Variants in STARD9 observed in about 807,000 individuals in gnomAD.
STARD9 encodes the protein stAR-related lipid transfer protein 9.
In STARD9, 346 loss-of-function variants were observed where a neutral mutation model predicts 399.8. That is an observed-to-expected ratio of 0.87 (90% CI 0.79 to 0.95). STARD9 has a LOEUF of 0.95. STARD9 is among the 40% of genes least tolerant of loss of function. The probability of loss-of-function intolerance (pLI) is 0.00; values close to 1 mark genes in which losing one functional copy is unlikely to be tolerated. For missense variants in STARD9, 5,832 were observed against 5,667.5 expected (o/e 1.03, Z -0.93); for synonymous variants, 2,203 against 2,143.5 (o/e 1.03, Z -0.77).
At position 42,688,375 on chromosome 15, in the gene STARD9, A is replaced by G. The variant is rs762243061; in HGVS notation, c.6797A>G (p.Gln2266Arg). ...GCTGAACACGTAAGTAGTTCCAACC[A>G]AGAAGAGCCAAAAGCTCAAGGTAAA... ...QVAEHVSSSN[Q>R]EEPKAQGKVE... The change falls in exon 23 of 33, where the codon CAA becomes CGA. Residue 2266 changes from glutamine (Q) to arginine (R), a missense_variant. Physicochemically the swap from Gln to Arg is conservative, Grantham distance 43 (BLOSUM62 1). Around this residue, in one of 2 missense-constraint regions of STARD9, gnomAD observed 5,828 missense variants for 5,651.1 expected, o/e 1.03. Transcript: ENST00000290607. 6.5e-7 allele frequency: 1 copy of G among 1,537,472 alleles called. No homozygotes were observed.
chr15:42,632,173 A>T (rs766002946), intron 3 of STARD9, among the ~76,000 whole-genome samples: 20 of 151,790 alleles, frequency 1.3e-4, no homozygotes, highest in Admixed American at 6.6e-5. Flanking sequence ...TGCTGAATTG[A>T]CCCCTTTCTG....
rs2060502004 is a variant in STARD9, at chr15:42,684,479, C to T, written c.2901C>T (p.Ile967=). 1 of 1,537,216 alleles carries T rather than the reference C, an allele frequency of 6.5e-7. No homozygotes were observed. The highest frequency in any genetic ancestry group is 8.7e-7 in the Non-Finnish European group (1 of 1,146,908). ...TAAAGCCAAGGCATGAGCCAAAGATCTTCACCTCTACTACCCAGACCAGAG... is the reference window on the plus strand; with the variant it reads ...TAAAGCCAAGGCATGAGCCAAAGATTTTCACCTCTACTACCCAGACCAGAG... ...NKLKPRHEPK[I]FTSTTQTRGA... is the part of the protein sequence containing the mutation. Residue 967 remains isoleucine (I), a synonymous_variant, in exon 23 of 33, where the codon ATC becomes ATT. Coordinates refer to ENST00000290607, the MANE Select transcript of STARD9 (RefSeq NM_020759.3).
intron 21 of STARD9, 62 bp from the exon 22 acceptor site, chr15:42,682,042 C>T: frequency 1.7e-6 from 2 of 1,145,062 alleles, no homozygotes; most frequent in East Asian, 2.6e-5. Context: ...GTATCTGAGT[C>T]CAGGCAGCCA....
At chr15:42,597,375 A>T (rs539697836) in intron 3 of STARD9, among the ~76,000 whole-genome samples, 65 of 149,510 alleles carry the variant, frequency 4.3e-4, no homozygotes, top group South Asian at 1.1e-3. Context: ...ATGTATATTT[A>T]TTTTTTTTTT....
At position 42,690,957 on chromosome 15, in the gene STARD9, G is replaced by T. The variant is rs76787264; in HGVS notation, c.9379G>T (p.Val3127Leu). The T allele has an allele frequency of 2.0e-6, 3 of 1,537,084 alleles. No homozygotes were observed. The highest frequency in any genetic ancestry group is 2.6e-6 in the Non-Finnish European group (3 of 1,146,928). Reference sequence around the variant, plus strand: ...CTCTGTAGGTGACCAGAATGCACAGGTGTGTCAAACCAATCCAGAACCACC... The same window carrying T: ...CTCTGTAGGTGACCAGAATGCACAGTTGTGTCAAACCAATCCAGAACCACC... ...DSSVGDQNAQVCQTNPEPPAT... is the reference protein window; with the variant it reads ...DSSVGDQNAQLCQTNPEPPAT... The change falls in exon 23 of 33, where the codon GTG (valine) becomes TTG (leucine). Residue 3127 changes from valine to leucine, a missense_variant. Val to Leu is a conservative substitution (Grantham distance 32). Coordinates refer to ENST00000290607, the MANE Select transcript of STARD9 (RefSeq NM_020759.3).
chr15:42,665,908 C>T, intron 15 of STARD9, 60 bp downstream of exon 15: 1 of 1,404,286 alleles, frequency 7.1e-7, no homozygotes, highest in Non-Finnish European at 9.7e-7. Flanking sequence ...CTCCATTATT[C>T]CGGAGCTAGG....
intron 3 of STARD9, among the ~76,000 whole-genome samples, chr15:42,607,895 A>G (rs1276076360): frequency 2.0e-5 from 3 of 152,046 alleles, no homozygotes; most frequent in African/African-American, 4.8e-5. Flanking sequence ...ACTATGTTTT[A>G]TTGAAAACCA....
chr15:42,638,527 C>G (rs2059464223), intron 6 of STARD9, among the ~76,000 whole-genome samples, 173 bp from the exon 7 acceptor site: 1 of 152,090 alleles, frequency 6.6e-6, no homozygotes, highest in Non-Finnish European at 1.5e-5. Flanking sequence ...ATACAAAAAA[C>G]TCTATTGTAT....
At chr15:42,599,031 C>G (rs1461140387) in intron 3 of STARD9, among the ~76,000 whole-genome samples, 1 of 152,128 alleles carries the variant, frequency 6.6e-6, no homozygotes, top group African/African-American at 2.4e-5. Context: ...TCAAATGATT[C>G]TCCTGCCTCA....
chr15:42,670,847 C>G (rs1363346892), intron 16 of STARD9: 1 of 152,202 alleles, frequency 6.6e-6, no homozygotes, highest in Non-Finnish European at 1.5e-5. Context: ...GCAACTTTTA[C>G]CTTAGCAAGA....
intron 3 of STARD9, among the ~76,000 whole-genome samples, chr15:42,624,103 G>A (rs535392466): frequency 6.6e-6 from 1 of 152,322 alleles, no homozygotes; most frequent in East Asian, 1.9e-4. Context: ...GTGGGTTTAT[G>A]TTTGCAAAGC....
chr15:42,623,305 A>C (rs2059129173), intron 3 of STARD9, among the ~76,000 whole-genome samples: 1 of 151,900 alleles, frequency 6.6e-6, no homozygotes, highest in Non-Finnish European at 1.5e-5. Context: ...TATTTCCCTC[A>C]CTACCTCAGG....
Position 42,720,562 on chromosome 15 carries a change from G to C in STARD9, c.*988G>C, listed in dbSNP as rs2061433627. Reference sequence around the variant, plus strand: ...GCCCTGGCCCCACCTATCCTAGGATGGGGTGGGATGGAGAGTGGGTTCAGT... The same window carrying C: ...GCCCTGGCCCCACCTATCCTAGGATCGGGTGGGATGGAGAGTGGGTTCAGT... On this transcript the variant is annotated 3_prime_UTR_variant, in exon 33 of 33. Transcript: ENST00000290607. 6.6e-6 allele frequency: 1 copy of C among 152,176 alleles called. No individual in the cohort carries two copies. Among genetic ancestry groups the C allele is most frequent in the African/African-American group, 2.4e-5 (1 of 41,398 alleles). 9.4% of individuals were successfully genotyped at this position (152,176 alleles called of 1,614,324 possible). A position where few individuals can be genotyped will look rare whatever the true frequency, so the allele number is the denominator to read the frequency against.
At chr15:42,583,579 G>T (rs1478090611) in intron 2 of STARD9, among the ~76,000 whole-genome samples, 164 bp downstream of exon 2, 1 of 152,130 alleles carries the variant, frequency 6.6e-6, no homozygotes, top group African/African-American at 2.4e-5. Context: ...AGCAAATCAA[G>T]AAATCAAGAA....
intron 11 of STARD9, 165 bp downstream of exon 11, chr15:42,663,056 T>TA: frequency 1.4e-6 from 1 of 692,760 alleles, no homozygotes; most frequent in South Asian, 2.0e-5. Flanking sequence ...TAGAATGCTG[T>TA]CCTACTACCA....
At chr15:42,646,310 A>G (rs1261911244) in intron 7 of STARD9, among the ~76,000 whole-genome samples, 1 of 152,222 alleles carries the variant, frequency 6.6e-6, no homozygotes, top group African/African-American at 2.4e-5. Context: ...AAAATCCTAG[A>G]TGACACCTTT....
At chr15:42,576,257 A>G (rs549602661) in intron 1 of STARD9, among the ~76,000 whole-genome samples, 7 of 152,270 alleles carry the variant, frequency 4.6e-5, no homozygotes, top group Admixed American at 3.9e-4. Flanking sequence ...GTTTCTTTCT[A>G]TGCTCGACAG....
At chr15:42,611,063 G>A (rs1214183902) in intron 3 of STARD9, among the ~76,000 whole-genome samples, 1 of 152,016 alleles carries the variant, frequency 6.6e-6, no homozygotes, top group African/African-American at 2.4e-5. Context: ...TTTTTCTATG[G>A]AAACCCACAA....
chr15:42,688,526 A>G lies in STARD9; in HGVS notation c.6948A>G (p.Leu2316=), dbSNP rs2060615253. The change falls in exon 23 of 33, where the codon TTA becomes TTG. Residue 2316 remains leucine, a synonymous_variant. Transcript: ENST00000290607. ...TFFRQETVSP[L]LSRTEFCTAP... ...TCAGGCAGGAAACTGTCAGCCCATT[A>G]CTAAGCCGGACAGAATTCTGTACAG... The G allele has an allele frequency of 1.3e-6, 2 of 1,537,786 alleles. No homozygotes were observed. Among genetic ancestry groups the G allele is most frequent in the Non-Finnish European group, 8.7e-7 (1 of 1,147,060 alleles).
Sources: allele counts gnomAD v4.1 joint callset (sites outside exome capture counted in the v4.1 genomes callset), GRCh38; gene constraint gnomAD v4.1.1; regional missense constraint gnomAD v4.1.1; transcripts MANE v1.5; gene names NCBI Gene and HGNC (gene_info 2026-07-23, HGNC 2026-07-21).